CMSS1: variants seen among roughly 807,000 people sequenced by gnomAD.
CMSS1 encodes the protein protein CMSS1.
In CMSS1, 33 loss-of-function variants were observed where a neutral mutation model predicts 43.5. That is an observed-to-expected ratio of 0.76 (90% CI 0.57 to 1.01). CMSS1 has a LOEUF of 1.01. Among genes scored for constraint, CMSS1 ranks in the 50% least tolerant of loss-of-function variants. CMSS1 has a pLI of 0.00. For synonymous variants in CMSS1, 115 were observed against 117.2 expected (o/e 0.98, Z 0.12); for missense variants, 313 against 326.4 (o/e 0.96, Z 0.32).
At chr3:100,016,234 C>T (rs1028924415) in intron 1 of CMSS1, among the ~76,000 whole-genome samples, 2 of 152,260 alleles carry the variant, frequency 1.3e-5, no homozygotes, top group Admixed American at 6.5e-5. Context: ...CTCTTGTTGC[C>T]CAGGCTGGAG....
intron 4 of CMSS1, among the ~76,000 whole-genome samples, chr3:100,162,997 ACTT>A (rs2067037342): frequency 6.6e-6 from 1 of 152,110 alleles, no homozygotes; most frequent in African/African-American, 2.4e-5. Context: ...GAAACATAAT[ACTT>A]CTTTTCCTCA....
chr3:99,995,598 A>G (rs1238140493), intron 1 of CMSS1, among the ~76,000 whole-genome samples: 1 of 152,216 alleles, frequency 6.6e-6, no homozygotes, highest in African/African-American at 2.4e-5. Flanking sequence ...CTGCCCTAGC[A>G]GAGGTTCTCT....
At chr3:100,083,322 A>G (rs564746942) in intron 1 of CMSS1, among the ~76,000 whole-genome samples, 131 of 152,354 alleles carry the variant, frequency 8.6e-4, no homozygotes, top group African/African-American at 3.1e-3. Context: ...TATTTTAGAT[A>G]AGTAGCCCTT....
At chr3:100,120,473 C>T (rs1175430865) in intron 1 of CMSS1, among the ~76,000 whole-genome samples, 1 of 152,224 alleles carries the variant, frequency 6.6e-6, no homozygotes, top group East Asian at 1.9e-4. Context: ...TCTTTCTCCC[C>T]TCTCAGCCTT....
rs1710357910 is a variant in CMSS1, at chr3:100,016,858, T to G, written c.65-130115T>G. ...AGATGCAGATTTCATGACATCTTAGTCTATGTTATCTAATGGCAAAGTGAG... is the reference window on the plus strand; with the variant it reads ...AGATGCAGATTTCATGACATCTTAGGCTATGTTATCTAATGGCAAAGTGAG... On this transcript the variant is annotated intron_variant, in intron 1 of 9. Transcript: ENST00000421999. Among the ~76,000 whole-genome samples, 2 of 152,246 alleles carry G rather than the reference T, an allele frequency of 1.3e-5. 1 individual carries two copies. The highest frequency in any genetic ancestry group is 4.1e-4 in the South Asian group (2 of 4,830).
chr3:99,832,770 G>A (rs1375902423), intron 1 of CMSS1, among the ~76,000 whole-genome samples: 3 of 147,552 alleles, frequency 2.0e-5, no homozygotes, highest in Admixed American at 2.0e-4. Context: ...AACCCACGAG[G>A]CGGAGGTTGC....
chr3:100,151,561 AC>A (rs1193297127), intron 2 of CMSS1, among the ~76,000 whole-genome samples: 1 of 152,210 alleles, frequency 6.6e-6, no homozygotes, highest in Non-Finnish European at 1.5e-5. Flanking sequence ...CAGCAAAAGC[AC>A]CCAAGACAGA....
chr3:99,935,365 A>G (rs1231499478), intron 1 of CMSS1, among the ~76,000 whole-genome samples: 2 of 152,204 alleles, frequency 1.3e-5, no homozygotes, highest in Non-Finnish European at 2.9e-5. Flanking sequence ...TACAAGGGAA[A>G]AAAACCTGCT....
chr3:100,053,897 T>C (rs1019948039), intron 1 of CMSS1, among the ~76,000 whole-genome samples: 3 of 152,250 alleles, frequency 2.0e-5, no homozygotes, highest in African/African-American at 7.2e-5. Context: ...TGCAGCTTCC[T>C]ACTAGAATCA....
At chr3:100,083,679 C>T in intron 1 of CMSS1, among the ~76,000 whole-genome samples, 1 of 152,160 alleles carries the variant, frequency 6.6e-6, no homozygotes, top group East Asian at 1.9e-4. Context: ...TTAGAATAAT[C>T]AGTCTTAACT....
Position 99,973,027 on chromosome 3 carries a change from C to T in CMSS1, c.64+154984C>T, listed in dbSNP as rs570019922. ...TTTGGGACAGAAACCACTAAAAGCT[C>T]CCCTTTTATCTGTTCACAAAATTAG... On this transcript the variant is annotated intron_variant, in intron 1 of 9. Transcript: ENST00000421999. Among the ~76,000 whole-genome samples, 106 of 152,240 alleles carry T rather than the reference C, an allele frequency of 7.0e-4. No individual in the cohort carries two copies. In the South Asian group the frequency reaches 0.011, roughly 16 times the overall value.
intron 1 of CMSS1, among the ~76,000 whole-genome samples, chr3:100,102,014 C>T (rs1036099214): frequency 6.6e-6 from 1 of 152,142 alleles, no homozygotes; most frequent in South Asian, 2.1e-4. Flanking sequence ...TTAATCCAGT[C>T]GATCATTGTT....
intron 1 of CMSS1, among the ~76,000 whole-genome samples, chr3:100,108,330 G>A (rs2066428266): frequency 6.6e-6 from 1 of 152,068 alleles, no homozygotes; most frequent in Non-Finnish European, 1.5e-5. Flanking sequence ...CTATATTAAT[G>A]ATAATGATAA....
chr3:100,120,458 A>C (rs1430711325), intron 1 of CMSS1, among the ~76,000 whole-genome samples: 1 of 152,210 alleles, frequency 6.6e-6, no homozygotes, highest in East Asian at 1.9e-4. Flanking sequence ...TACACGAGTT[A>C]GAAGTCTTTC....
intron 1 of CMSS1, among the ~76,000 whole-genome samples, chr3:100,085,037 T>C (rs546711562): frequency 6.6e-6 from 1 of 152,240 alleles, no homozygotes; most frequent in Non-Finnish European, 1.5e-5. Flanking sequence ...TAAATATGTA[T>C]GTATGGTACA....
Position 100,016,848 on chromosome 3 carries a change from G to A in CMSS1, c.65-130125G>A, listed in dbSNP as rs1334556166. Reference sequence around the variant, plus strand: ...TTCTAGGAACAGATGCAGATTTCATGACATCTTAGTCTATGTTATCTAATG... The same window carrying A: ...TTCTAGGAACAGATGCAGATTTCATAACATCTTAGTCTATGTTATCTAATG... On this transcript the variant is annotated intron_variant, in intron 1 of 9. Transcript: ENST00000421999. 2.0e-5 allele frequency among the ~76,000 whole-genome samples: 3 copies of A among 152,194 alleles called. No individual in the cohort carries two copies. The East Asian group carries it at 5.8e-4, about 29-fold the overall frequency.
intron 1 of CMSS1, among the ~76,000 whole-genome samples, chr3:100,065,094 A>C (rs1020594755): frequency 7.2e-5 from 11 of 152,176 alleles, no homozygotes; most frequent in African/African-American, 2.7e-4. Flanking sequence ...CAAATGCCTG[A>C]ATTATAAGAC....
rs41386051 is a variant in CMSS1 at position 100,080,048 on chromosome 3, C to T, written c.65-66925C>T. On this transcript the variant is annotated intron_variant, in intron 1 of 9. Coordinates refer to ENST00000421999, the MANE Select transcript of CMSS1 (RefSeq NM_032359.4). ...GAAATTAAATGCTTCACAAAATTAA[C>T]GGTGTCAACACTGGGTCTTCTGCAC... Among the ~76,000 whole-genome samples the T allele has an allele frequency of 4.2e-3, 642 of 152,264 alleles. 4 individuals carry two copies. Among genetic ancestry groups the T allele is most frequent in the African/African-American group, 0.014 (598 of 41,548 alleles).
At chr3:99,925,779 G>A in intron 1 of CMSS1, 1 of 879,350 alleles carries the variant, frequency 1.1e-6, no homozygotes, top group Non-Finnish European at 1.4e-6. Context: ...ACCTCATAAA[G>A]GAAGAACCAG....
Sources: allele counts gnomAD v4.1 joint callset (sites outside exome capture counted in the v4.1 genomes callset), GRCh38; gene constraint gnomAD v4.1.1; transcripts MANE v1.5; gene names NCBI Gene and HGNC (gene_info 2026-07-23, HGNC 2026-07-21).